The following PEPD variants were observed in gnomAD, a reference collection of about 807,000 sequenced individuals.
PEPD encodes the protein xaa-Pro dipeptidase.
Under a neutral mutation model 60.7 loss-of-function variants are expected in PEPD, and 53 were observed. That is an observed-to-expected ratio of 0.87 (90% CI 0.70 to 1.10). The LOEUF (loss-of-function observed/expected upper bound fraction) is 1.10, where lower values mean the gene tolerates loss of function less well. Ranked by LOEUF, PEPD falls within the 50% of genes least tolerant of loss-of-function variation. The pLI, the probability that PEPD is intolerant of heterozygous loss-of-function variation, is 0.00. For missense variants in PEPD, 711 were observed against 711.9 expected (o/e 1.00, Z 0.01); for synonymous variants, 267 against 284.1 (o/e 0.94, Z 0.60).
intron 1 of PEPD, among the ~76,000 whole-genome samples, chr19:33,517,190 T>C (rs981659940): frequency 6.6e-6 from 1 of 151,160 alleles, no homozygotes; most frequent in African/African-American, 2.4e-5. Flanking sequence ...CAAATTTATG[T>C]AACATTTTGA....
intron 9 of PEPD, among the ~76,000 whole-genome samples, chr19:33,456,545 T>C (rs1279800700): frequency 6.6e-6 from 1 of 152,094 alleles, no homozygotes; most frequent in Non-Finnish European, 1.5e-5. Flanking sequence ...AAAGAGGGTG[T>C]TTCTCCAGCC....
At chr19:33,393,879 T>C (rs978297456) in intron 12 of PEPD, among the ~76,000 whole-genome samples, 3 of 152,254 alleles carry the variant, frequency 2.0e-5, no homozygotes, top group African/African-American at 7.2e-5. Flanking sequence ...CCCTTTGCTA[T>C]GGCCTGTGCC....
chr19:33,453,345 A>AAATAAATAAATAAAT (rs1568479483), intron 9 of PEPD, among the ~76,000 whole-genome samples: 2 of 102,774 alleles, frequency 1.9e-5, no homozygotes, highest in African/African-American at 5.4e-5. Flanking sequence ...AATAAATAAA[A>AAATAAATAAATAAAT]AAGCAACAAC....
intron 13 of PEPD, chr19:33,388,408 G>A (rs973862124): frequency 1.1e-5 from 6 of 530,364 alleles, no homozygotes; most frequent in Non-Finnish European, 2.1e-5. Context: ...GCTGCCCTTA[G>A]CCAGGCCCCG....
intron 13 of PEPD, 53 bp from the exon 14 acceptor site, chr19:33,388,134 G>T: frequency 1.4e-6 from 2 of 1,448,042 alleles, no homozygotes; most frequent in South Asian, 1.2e-5. Context: ...GCTCACCGTG[G>T]CCTCATCAGG....
At chr19:33,493,471 C>T (rs2145322788) in intron 4 of PEPD, 134 bp from the exon 5 acceptor site, 3 of 736,714 alleles carry the variant, frequency 4.1e-6, no homozygotes, top group East Asian at 2.7e-5. Context: ...GGGCGCTGCC[C>T]TCACCCTGCA....
rs550368164 is a variant in PEPD, at chr19:33,406,745, G to A, written c.819-4876C>T. On this transcript the variant is annotated intron_variant, in intron 11 of 14. Transcript: ENST00000244137. ...AGTAGACAGCAGGAGTAGGCTGGCC[G>A]CATCCCAGGCTGCAGGGCCCATGTG... 2.1e-4 allele frequency among the ~76,000 whole-genome samples: 32 copies of A among 152,328 alleles called. 1 individual carries two copies. Among genetic ancestry groups the A allele is most frequent in the Non-Finnish European group, 7.4e-5 (5 of 68,020 alleles).
At chr19:33,469,449 C>G (rs113057294) in intron 7 of PEPD, among the ~76,000 whole-genome samples, 110 of 152,306 alleles carry the variant, frequency 7.2e-4, no homozygotes, top group African/African-American at 2.5e-3. Context: ...TTCTGCCCCC[C>G]ACGGGAGCCG....
chr19:33,470,859 C>A (rs552621614), intron 7 of PEPD, among the ~76,000 whole-genome samples: 1 of 152,244 alleles, frequency 6.6e-6, no homozygotes, highest in South Asian at 2.1e-4. Context: ...CTCCAGCAGC[C>A]CAAAATCCCT....
At chr19:33,479,403 G>A (rs574189716) in intron 6 of PEPD, among the ~76,000 whole-genome samples, 147 of 151,864 alleles carry the variant, frequency 9.7e-4, no homozygotes, top group East Asian at 7.7e-4. Flanking sequence ...ATTGGCGAAT[G>A]AATTCTTTTT....
chr19:33,401,595 C>T lies in PEPD; in HGVS notation c.967+126G>A. The T allele has an allele frequency of 4.4e-6, 4 of 903,634 alleles. No individual in the cohort carries two copies. In the South Asian group the frequency reaches 5.7e-5, roughly 13 times the overall value. 56.0% of individuals were successfully genotyped at this position (903,634 alleles called of 1,614,324 possible). On this transcript the variant is annotated intron_variant, in intron 12 of 14. Coordinates refer to ENST00000244137, the MANE Select transcript of PEPD (RefSeq NM_000285.4). ...CCTGACGCCACTGGAATCTCAGGGA[C>T]TAAGCATCTGGAGTGTGGCAGATTC...
intron 5 of PEPD, 63 bp from the exon 6 acceptor site, chr19:33,490,120 C>G: frequency 2.6e-6 from 3 of 1,135,796 alleles, no homozygotes; most frequent in Non-Finnish European, 4.0e-6. Context: ...GCCTGCACCC[C>G]TGAGGCCTCC....
At chr19:33,466,758 A>G (rs1970024429) in intron 7 of PEPD, among the ~76,000 whole-genome samples, 1 of 136,206 alleles carries the variant, frequency 7.3e-6, no homozygotes, top group Admixed American at 7.1e-5. Context: ...TGTACTAATG[A>G]AAAAAAAAAA....
chr19:33,418,885 C>T lies in PEPD; in HGVS notation c.672-5242G>A, dbSNP rs908323564. Among the ~76,000 whole-genome samples the T allele has an allele frequency of 5.9e-5, 9 of 152,238 alleles. No individual in the cohort carries two copies. In the South Asian group the frequency reaches 1.7e-3, roughly 28 times the overall value. On this transcript the variant is annotated intron_variant, in intron 9 of 14. Coordinates refer to ENST00000244137, the MANE Select transcript of PEPD (RefSeq NM_000285.4). Reference sequence around the variant, plus strand: ...GAAGGGACTGACCTGAAGCCTCGGACTAAAGCCAGAAATGCATGATTAATA... The same window carrying T: ...GAAGGGACTGACCTGAAGCCTCGGATTAAAGCCAGAAATGCATGATTAATA...
intron 12 of PEPD, among the ~76,000 whole-genome samples, chr19:33,393,487 G>A (rs1048625840): frequency 2.6e-5 from 4 of 151,134 alleles, no homozygotes; most frequent in Admixed American, 2.0e-4. Context: ...CCGCTCCCCC[G>A]CCTCCGTGAG....
intron 9 of PEPD, among the ~76,000 whole-genome samples, chr19:33,422,148 C>A (rs1174337779): frequency 1.3e-5 from 2 of 152,228 alleles, no homozygotes; most frequent in Middle Eastern, 3.4e-3. Context: ...CAAGTTCCCA[C>A]CAGGCCACTG....
chr19:33,416,900 A>G (rs528519006), intron 9 of PEPD, among the ~76,000 whole-genome samples: 1 of 152,250 alleles, frequency 6.6e-6, no homozygotes, highest in Non-Finnish European at 1.5e-5. Flanking sequence ...GTGCCAGGAG[A>G]TGACAAATGG....
Position 33,467,030 on chromosome 19 carries a change from G to A in PEPD, c.549-2968C>T, listed in dbSNP as rs542337888. 4.0e-3 allele frequency among the ~76,000 whole-genome samples: 610 copies of A among 151,824 alleles called. 4 individuals carry two copies. Among genetic ancestry groups the A allele is most frequent in the East Asian group, 0.015 (79 of 5,152 alleles). The stretch of plus-strand genomic sequence containing the variant: ...AAATTAGCTGGGCATGGTGGCGGGC[G>A]CCTGTAGTCCCAGCTACTCGGGAGG... On this transcript the variant is annotated intron_variant, in intron 7 of 14. Coordinates refer to ENST00000244137, the MANE Select transcript of PEPD (RefSeq NM_000285.4).
intron 13 of PEPD, chr19:33,388,696 A>C (rs1459011047): frequency 2.7e-5 from 5 of 182,772 alleles, no homozygotes; most frequent in Admixed American, 2.7e-4. Context: ...CTCCCAGAGG[A>C]GAGCTCGGGG....
Sources: allele counts gnomAD v4.1 joint callset (sites outside exome capture counted in the v4.1 genomes callset), GRCh38; gene constraint gnomAD v4.1.1; transcripts MANE v1.5; gene names NCBI Gene and HGNC (gene_info 2026-07-23, HGNC 2026-07-21).